Variants in ARHGEF9 observed in about 807,000 individuals in gnomAD.
ARHGEF9 encodes rho guanine nucleotide exchange factor 9.
ARHGEF9 carries 2 observed loss-of-function variants against 41.3 expected under a neutral mutation model. The observed-to-expected ratio is 0.05, with a 90% CI of 0.02 to 0.15. The LOEUF (loss-of-function observed/expected upper bound fraction) is 0.15, where lower values mean the gene tolerates loss of function less well. ARHGEF9 is among the 10% of genes least tolerant of loss of function. The probability of loss-of-function intolerance (pLI) is 1.00; values close to 1 mark genes in which losing one functional copy is unlikely to be tolerated. For missense variants in ARHGEF9, 225 were observed against 424.7 expected, an observed-to-expected ratio of 0.53 and a Z score of 4.13; for synonymous variants, 160 against 154.4, an observed-to-expected ratio of 1.04 and a Z score of -0.27.
At chrX:63,664,979 C>T (rs191888062) in intron 7 of ARHGEF9, among the ~76,000 whole-genome samples, 1 of 112,290 alleles carries the variant, frequency 8.9e-6, no homozygotes, top group Non-Finnish European at 1.9e-5. Context: ...GCATTCACTA[C>T]TGGGTGAAGG....
At chrX:63,715,652 T>G (rs781892553) in intron 2 of ARHGEF9, among the ~76,000 whole-genome samples, 3 of 112,083 alleles carry the variant, frequency 2.7e-5, no homozygotes, top group Non-Finnish European at 5.6e-5. Flanking sequence ...CTGTCTTATG[T>G]TTTTTACTCC....
intron 1 of ARHGEF9, among the ~76,000 whole-genome samples, chrX:63,752,892 GGTGGAGGGGGAGCATGT>G (rs1256845392): frequency 8.9e-6 from 1 of 112,105 alleles, no homozygotes; most frequent in Non-Finnish European, 1.9e-5. Context: ...CACCCACATG[GGTGGAGGGGGAGCATGT>G]GTGTAGATGT....
intron 8 of ARHGEF9, among the ~76,000 whole-genome samples, chrX:63,652,000 C>T (rs1210418381): frequency 1.8e-5 from 2 of 110,818 alleles, no homozygotes; most frequent in South Asian, 3.8e-4. Flanking sequence ...TGAGGCTATG[C>T]GGAAGTGGGT....
intron 3 of ARHGEF9, among the ~76,000 whole-genome samples, chrX:63,699,276 A>G (rs1439665682): frequency 5.4e-5 from 6 of 111,852 alleles, no homozygotes; most frequent in Non-Finnish European, 1.1e-4. Flanking sequence ...CACATTCAAC[A>G]TATTACTTCT....
At position 63,697,395 on chromosome X, in the gene ARHGEF9, C is replaced by A. The variant is rs73526830; in HGVS notation, c.403-91G>T. 293 of 827,712 alleles carry A rather than the reference C, an allele frequency of 3.5e-4. 1 individual carries two copies. The African/African-American group carries it at 5.0e-3, about 14-fold the overall frequency. The allele number at this position is 827,712 out of a possible 1,213,427, so 68.2% of individuals were successfully genotyped here. On this transcript the variant is annotated intron_variant, in intron 3 of 9. Transcript: ENST00000671741. ...AGCACTTAAGAGCCTCATTTTGGTCCCAAGAAGTAGGCATGGAATAATTAT... is the reference window on the plus strand; with the variant it reads ...AGCACTTAAGAGCCTCATTTTGGTCACAAGAAGTAGGCATGGAATAATTAT...
intron 8 of ARHGEF9, among the ~76,000 whole-genome samples, chrX:63,650,958 G>A (rs2048507417): frequency 9.1e-6 from 1 of 109,576 alleles, no homozygotes; most frequent in South Asian, 3.9e-4. Flanking sequence ...AAAATCCAGA[G>A]GAAATGAACA....
chrX:63,767,167 G>A, intron 1 of ARHGEF9: 1 of 800,878 alleles, frequency 1.2e-6, no homozygotes. Context: ...ATGCCATGCA[G>A]CATCTTAAAC....
At chrX:63,649,813 T>C (rs1397102436) in intron 8 of ARHGEF9, among the ~76,000 whole-genome samples, 1 of 111,599 alleles carries the variant, frequency 9.0e-6, no homozygotes, top group African/African-American at 3.2e-5. Context: ...TATAAACACC[T>C]CTACGCAAAT....
intron 7 of ARHGEF9, 111 bp from the exon 8 acceptor site, chrX:63,655,848 G>A: frequency 1.9e-6 from 2 of 1,032,668 alleles, no homozygotes; most frequent in South Asian, 2.0e-5. Flanking sequence ...AAGTACCAAT[G>A]GGGGTTGGTT....
rs782707712 is a variant in ARHGEF9, at chrX:63,655,421, G to A, written c.1321+73C>T. 1.2e-4 allele frequency: 140 copies of A among 1,195,402 alleles called. 1 individual carries two copies. Among genetic ancestry groups the A allele is most frequent in the Non-Finnish European group, 2.4e-5 (21 of 885,755 alleles). ...ACAGAAATCTTCCCTCTGACTCCAAGAAAATGGAAACCAATTCAAACCTCC... is the reference window on the plus strand; with the variant it reads ...ACAGAAATCTTCCCTCTGACTCCAAAAAAATGGAAACCAATTCAAACCTCC... On this transcript the variant is annotated intron_variant, in intron 8 of 9. Coordinates refer to ENST00000671741, the MANE Select transcript of ARHGEF9 (RefSeq NM_001353921.2).
chrX:63,646,171 C>T (rs1428266387), intron 8 of ARHGEF9, among the ~76,000 whole-genome samples: 11 of 111,536 alleles, frequency 9.9e-5, no homozygotes, highest in Admixed American at 5.7e-4. Flanking sequence ...TTCTCCCATT[C>T]TGTAGGTTGC....
rs1161698089 is a variant in ARHGEF9, at chrX:63,746,415, C to G, written c.31-21704G>C. 8.1e-5 allele frequency among the ~76,000 whole-genome samples: 9 copies of G among 111,754 alleles called. 1 individual carries two copies. Among genetic ancestry groups the G allele is most frequent in the Admixed American group, 7.6e-4 (8 of 10,556 alleles). ...ATACTGCTCTATGTCAGTAAAACCCCTTTAATTCTCAGAGTCATGACTGCA... is the reference window on the plus strand; with the variant it reads ...ATACTGCTCTATGTCAGTAAAACCCGTTTAATTCTCAGAGTCATGACTGCA... On this transcript the variant is annotated intron_variant, in intron 1 of 9. Transcript: ENST00000671741.
intron 1 of ARHGEF9, among the ~76,000 whole-genome samples, chrX:63,735,972 T>C (rs2054596817): frequency 8.9e-6 from 1 of 112,161 alleles, no homozygotes; most frequent in Admixed American, 9.4e-5. Context: ...CTCTAGTCCA[T>C]GTCAGAAGCC....
intron 7 of ARHGEF9, among the ~76,000 whole-genome samples, chrX:63,665,165 T>C (rs1412402268): frequency 8.9e-6 from 1 of 112,291 alleles, no homozygotes. Flanking sequence ...AGTGAGGAAG[T>C]AGGGGTAAGA....
intron 1 of ARHGEF9, among the ~76,000 whole-genome samples, chrX:63,731,389 G>A (rs2054270393): frequency 9.0e-6 from 1 of 110,723 alleles, no homozygotes; most frequent in East Asian, 2.8e-4. Flanking sequence ...CCAAAGTGTT[G>A]AAGGATAATC....
intron 1 of ARHGEF9, among the ~76,000 whole-genome samples, chrX:63,778,267 G>A (rs2056326070): frequency 8.9e-6 from 1 of 112,447 alleles, no homozygotes; most frequent in South Asian, 3.7e-4. Context: ...ACCCTCTGAA[G>A]CAATGGCTTG....
intron 1 of ARHGEF9, among the ~76,000 whole-genome samples, chrX:63,761,443 A>AATAACT (rs2056032298): frequency 8.9e-6 from 1 of 111,949 alleles, no homozygotes. Context: ...TTAATGACTG[A>AATAACT]ATAACTAAAT....
intron 7 of ARHGEF9, among the ~76,000 whole-genome samples, chrX:63,659,322 C>A (rs781824651): frequency 8.9e-6 from 1 of 112,022 alleles, no homozygotes; most frequent in Non-Finnish European, 1.9e-5. Context: ...AGTCTGAGTG[C>A]CTTCACAGGG....
intron 8 of ARHGEF9, among the ~76,000 whole-genome samples, chrX:63,646,344 G>A (rs1157048877): frequency 3.6e-5 from 4 of 111,698 alleles, no homozygotes; most frequent in Non-Finnish European, 5.7e-5. Flanking sequence ...GTTTTCTTCT[G>A]GGGTTTTTAT....
Sources: gnomAD v4.1 joint callset for allele counts (sites outside exome capture counted in the v4.1 genomes callset) on GRCh38, gnomAD v4.1.1 for gene constraint, MANE v1.5 for transcripts, NCBI Gene and HGNC (gene_info 2026-07-23, HGNC 2026-07-21) for gene names.